PXDNL: variants seen among roughly 807,000 people sequenced by gnomAD.
PXDNL encodes the protein peroxidasin like.
A neutral mutation model predicts 150.8 loss-of-function variants in PXDNL; 145 were observed. That is an observed-to-expected ratio of 0.96 (90% confidence interval 0.84 to 1.10). The LOEUF (loss-of-function observed/expected upper bound fraction) is 1.10. Ranked by LOEUF, PXDNL falls within the 50% of genes least tolerant of loss-of-function variation. PXDNL has a pLI of 0.00. For missense variants in PXDNL, 2,087 were observed against 1,873.9 expected (o/e 1.11, Z -2.10); for synonymous variants, 757 against 725.7 (o/e 1.04, Z -0.69).
intron 3 of PXDNL, among the ~76,000 whole-genome samples, chr8:51,565,321 A>AATAAATAAATAAATAAATAG (rs569762504): frequency 9.6e-5 from 13 of 135,530 alleles, no homozygotes; most frequent in Non-Finnish European, 1.8e-4. Context: ...TAAATAAATA[A>AATAAATAAATAAATAAATAG]ATAGATAGAT....
intron 21 of PXDNL, among the ~76,000 whole-genome samples, 163 bp downstream of exon 21, chr8:51,339,461 A>G (rs1438952017): frequency 2.0e-5 from 3 of 152,234 alleles, no homozygotes; most frequent in South Asian, 2.1e-4. Context: ...TGTGTCTTTA[A>G]AAAAGCAAAA....
intron 2 of PXDNL, among the ~76,000 whole-genome samples, chr8:51,638,662 A>AGT: frequency 6.6e-6 from 1 of 152,328 alleles, no homozygotes; most frequent in East Asian, 1.9e-4. Context: ...TATCCTAAAT[A>AGT]TATATGCACC....
chr8:51,772,237 T>C (rs10095061), intron 1 of PXDNL, among the ~76,000 whole-genome samples: 16,909 of 130,420 alleles, frequency 0.13, 1,226 homozygotes, highest in African/African-American at 0.2. Flanking sequence ...TCTCTCTATA[T>C]ACACACACAC....
chr8:51,463,917 A>C (rs1442280663), intron 8 of PXDNL, among the ~76,000 whole-genome samples: 2 of 152,174 alleles, frequency 1.3e-5, no homozygotes, highest in Non-Finnish European at 2.9e-5. Context: ...ACAACATACC[A>C]AAATCTCTAG....
chr8:51,347,177 A>G (rs558286603), intron 19 of PXDNL, among the ~76,000 whole-genome samples: 1 of 152,330 alleles, frequency 6.6e-6, no homozygotes, highest in South Asian at 2.1e-4. Flanking sequence ...GAAAATAGGC[A>G]GAGAGTACTT....
At chr8:51,743,908 A>G (rs867814820) in intron 1 of PXDNL, among the ~76,000 whole-genome samples, 7 of 66,942 alleles carry the variant, frequency 1.0e-4, no homozygotes, top group East Asian at 7.5e-4. Flanking sequence ...GCTGAGAGAG[A>G]AAGGAAGGAA....
At position 51,455,149 on chromosome 8, in the gene PXDNL, AT is replaced by A. The variant is rs1256256488; in HGVS notation, c.983-1365del. 2.7e-4 allele frequency among the ~76,000 whole-genome samples: 41 copies of A among 149,716 alleles called. 2 individuals carry two copies. Among genetic ancestry groups the A allele is most frequent in the African/African-American group, 9.0e-4 (37 of 40,980 alleles). ...AAAAAAAAAAGAGGTAAGGGAAAGT[AT>A]AGGGAAAGTTATTATAATAATTGAA... is the stretch of plus-strand genomic sequence containing the variant. On this transcript the variant is annotated intron_variant, in intron 9 of 22. Transcript: ENST00000356297.
At position 51,449,026 on chromosome 8, in the gene PXDNL, G is replaced by C. The variant is rs932381328; in HGVS notation, c.1342C>G (p.Pro448Ala). ...CCTGTTTTTGTCCAGACAATAACAG[G>C]AGGTGGGTTGCCGTCAGCTTCACAG... ...WLCEADGNPP[P>A]VIVWTKTGGQ... The change falls in exon 11 of 23, where the codon CCT (proline) becomes GCT (alanine). Residue 448 changes from proline to alanine, a missense_variant. Transcript: ENST00000356297. The C allele has an allele frequency of 1.9e-6, 3 of 1,547,562 alleles. No individual in the cohort carries two copies. The African/African-American group carries it at 4.1e-5, about 21-fold the overall frequency.
At chr8:51,523,545 A>G (rs1310642895) in intron 4 of PXDNL, among the ~76,000 whole-genome samples, 2 of 152,242 alleles carry the variant, frequency 1.3e-5, no homozygotes, top group African/African-American at 4.8e-5. Flanking sequence ...AAGTGTATCA[A>G]CTGAAAAACA....
At chr8:51,401,849 G>A (rs60820519) in intron 17 of PXDNL, among the ~76,000 whole-genome samples, 4,488 of 152,238 alleles carry the variant, frequency 0.029, 211 homozygotes, top group African/African-American at 0.1. Flanking sequence ...CTGTTTTACA[G>A]CAATTAAAGT....
At chr8:51,546,485 A>G (rs1489525203) in intron 4 of PXDNL, among the ~76,000 whole-genome samples, 1 of 152,194 alleles carries the variant, frequency 6.6e-6, no homozygotes, top group Non-Finnish European at 1.5e-5. Context: ...CAGGGAAGCC[A>G]TTCCTAGCCT....
At position 51,600,087 on chromosome 8, in the gene PXDNL, G is replaced by A. The variant is rs946229687; in HGVS notation, c.237-7389C>T. Among the ~76,000 whole-genome samples, 221 of 136,844 alleles carry A rather than the reference G, an allele frequency of 1.6e-3. 17 individuals carry two copies. The highest frequency in any genetic ancestry group is 5.6e-3 in the African/African-American group (204 of 36,592). 89.8% of individuals were successfully genotyped at this position (136,844 alleles called of 152,430 possible). On this transcript the variant is annotated intron_variant, in intron 2 of 22. Coordinates refer to ENST00000356297, the MANE Select transcript of PXDNL (RefSeq NM_144651.5). ...AATTATACCTTATATAAATGACATC[G>A]TTTAGATAATAAATTATATCATATA...
intron 1 of PXDNL, among the ~76,000 whole-genome samples, chr8:51,749,888 A>T (rs1163768310): frequency 6.6e-6 from 1 of 151,972 alleles, no homozygotes; most frequent in African/African-American, 2.4e-5. Context: ...TTTAGTAGAG[A>T]CGGGGTTTCA....
rs1188615451 is a variant in PXDNL, at chr8:51,409,224, C to A, written c.2400G>T (p.Thr800=). 1 of 1,557,518 alleles carries A rather than the reference C, an allele frequency of 6.4e-7. No individual in the cohort carries two copies. ...AAAVTPDHSY[T]RMLMHWGWFL... is the part of the protein sequence containing the mutation. ...ACCAGCCCCAGTGCATGAGCATGCGCGTGTAGCTGTGGTCGGGGGTGACGG... is the reference window on the plus strand; with the variant it reads ...ACCAGCCCCAGTGCATGAGCATGCGAGTGTAGCTGTGGTCGGGGGTGACGG... Residue 800 remains threonine, a synonymous_variant, in exon 17 of 23, where the codon ACG becomes ACT. Coordinates refer to ENST00000356297, the MANE Select transcript of PXDNL (RefSeq NM_144651.5).
At chr8:51,785,816 T>A (rs2037455953) in intron 1 of PXDNL, among the ~76,000 whole-genome samples, 1 of 152,160 alleles carries the variant, frequency 6.6e-6, no homozygotes, top group South Asian at 2.1e-4. Context: ...CCTGTAAGTG[T>A]TCAAGGGAAA....
chr8:51,648,978 T>C (rs1435943513), intron 2 of PXDNL, among the ~76,000 whole-genome samples: 1 of 152,242 alleles, frequency 6.6e-6, no homozygotes, highest in Non-Finnish European at 1.5e-5. Context: ...TGCTCATACA[T>C]TTCCTATTTA....
At chr8:51,746,927 T>C (rs1585719384) in intron 1 of PXDNL, among the ~76,000 whole-genome samples, 1 of 152,118 alleles carries the variant, frequency 6.6e-6, no homozygotes, top group East Asian at 1.9e-4. Context: ...TTCGCCCTGT[T>C]GGCCAGGCTG....
At chr8:51,680,223 G>A (rs558977630) in intron 1 of PXDNL, among the ~76,000 whole-genome samples, 7 of 152,320 alleles carry the variant, frequency 4.6e-5, no homozygotes, top group South Asian at 4.1e-4. Flanking sequence ...ACCAAAGGCC[G>A]GGTGTCTGTG....
At chr8:51,625,088 A>C (rs1342146025) in intron 2 of PXDNL, among the ~76,000 whole-genome samples, 1 of 152,174 alleles carries the variant, frequency 6.6e-6, no homozygotes, top group Non-Finnish European at 1.5e-5. Flanking sequence ...AAACCTGAAA[A>C]GTTACTGAAG....
Sources: gnomAD v4.1 joint callset for allele counts (sites outside exome capture counted in the v4.1 genomes callset) on GRCh38, gnomAD v4.1.1 for gene constraint, MANE v1.5 for transcripts, NCBI Gene and HGNC (gene_info 2026-07-23, HGNC 2026-07-21) for gene names.